The following PHLDB2 variants were observed in gnomAD, a reference collection of about 807,000 sequenced individuals.
The protein encoded by PHLDB2 is pleckstrin homology-like domain family B member 2.
A neutral mutation model predicts 123.6 loss-of-function variants in PHLDB2; 71 were observed. That is an observed-to-expected ratio of 0.57 (90% CI 0.47 to 0.70). The LOEUF (loss-of-function observed/expected upper bound fraction) is 0.70. Ranked by LOEUF, PHLDB2 falls within the 30% of genes least tolerant of loss-of-function variation. The probability of loss-of-function intolerance (pLI) is 0.00; values close to 1 mark genes in which losing one functional copy is unlikely to be tolerated. For missense variants in PHLDB2, 1,446 were observed against 1,519.5 expected (o/e 0.95, Z 0.80); for synonymous variants, 547 against 541.6 (o/e 1.01, Z -0.14).
intron 2 of PHLDB2, among the ~76,000 whole-genome samples, chr3:111,892,421 T>C (rs994998687): frequency 1.3e-5 from 2 of 152,176 alleles, no homozygotes; most frequent in Admixed American, 6.5e-5. Context: ...GACTAGAGTA[T>C]AGGAAGCATT....
chr3:111,958,144 GTGT>G (rs1374176239), intron 12 of PHLDB2: 3 of 312,010 alleles, frequency 9.6e-6, no homozygotes, highest in African/African-American at 2.3e-5. Context: ...CATGTTGGAA[GTGT>G]TGTATGTTTT....
intron 1 of PHLDB2, among the ~76,000 whole-genome samples, chr3:111,792,436 T>A (rs1017737556): frequency 1.3e-5 from 2 of 152,184 alleles, no homozygotes; most frequent in Admixed American, 1.3e-4. Flanking sequence ...CCAGGCATGG[T>A]GGCTCATGTC....
intron 1 of PHLDB2, among the ~76,000 whole-genome samples, chr3:111,800,090 A>G (rs2061323742): frequency 6.6e-6 from 1 of 152,094 alleles, no homozygotes; most frequent in Non-Finnish European, 1.5e-5. Context: ...CTGCAGACTC[A>G]ACCTCCCTGG....
chr3:111,910,783 T>A (rs1418974254), intron 2 of PHLDB2, among the ~76,000 whole-genome samples: 1 of 152,244 alleles, frequency 6.6e-6, no homozygotes, highest in Non-Finnish European at 1.5e-5. Context: ...CCTGTAGTGC[T>A]TTCTGAAATG....
chr3:111,783,453 G>GA (rs1373349955), intron 1 of PHLDB2, among the ~76,000 whole-genome samples: 3 of 151,776 alleles, frequency 2.0e-5, no homozygotes, highest in South Asian at 2.1e-4. Context: ...TAAAATAATT[G>GA]AAAAAACACT....
At chr3:111,776,073 G>A (rs758572518) in intron 1 of PHLDB2, among the ~76,000 whole-genome samples, 2 of 152,134 alleles carry the variant, frequency 1.3e-5, no homozygotes, top group African/African-American at 2.4e-5. Flanking sequence ...CTTCTGGGCT[G>A]ATGCTTATGA....
At chr3:111,803,611 A>G (rs944184930) in intron 1 of PHLDB2, among the ~76,000 whole-genome samples, 17 of 152,188 alleles carry the variant, frequency 1.1e-4, no homozygotes, top group African/African-American at 3.9e-4. Flanking sequence ...CCTGGCTAGC[A>G]CATGAGTGGG....
chr3:111,810,803 A>T (rs1576689266), intron 1 of PHLDB2, among the ~76,000 whole-genome samples: 2 of 152,338 alleles, frequency 1.3e-5, no homozygotes, highest in East Asian at 3.9e-4. Context: ...CTTATTTTTG[A>T]CAACGGAATC....
At chr3:111,928,311 T>C (rs1259724299) in intron 5 of PHLDB2, among the ~76,000 whole-genome samples, 3 of 152,254 alleles carry the variant, frequency 2.0e-5, no homozygotes, top group Non-Finnish European at 4.4e-5. Flanking sequence ...ATTAATGTTC[T>C]ATATATTCAT....
chr3:111,798,523 A>G (rs1223229354), intron 1 of PHLDB2, among the ~76,000 whole-genome samples: 1 of 151,974 alleles, frequency 6.6e-6, no homozygotes, highest in African/African-American at 2.4e-5. Flanking sequence ...TTTATTTAAA[A>G]TATTTTCAGT....
chr3:111,910,574 T>C (rs1045683514), intron 2 of PHLDB2, among the ~76,000 whole-genome samples: 1 of 152,206 alleles, frequency 6.6e-6, no homozygotes, highest in African/African-American at 2.4e-5. Flanking sequence ...GCATTTGAGG[T>C]TCCAGCATAA....
intron 1 of PHLDB2, among the ~76,000 whole-genome samples, chr3:111,779,414 A>C (rs1022945159): frequency 6.6e-6 from 1 of 151,970 alleles, no homozygotes; most frequent in Middle Eastern, 3.4e-3. Flanking sequence ...TCCTCCCTCT[A>C]GTAGTCCCCA....
At chr3:111,865,645 A>G (rs2065032412) in intron 1 of PHLDB2, among the ~76,000 whole-genome samples, 2 of 152,240 alleles carry the variant, frequency 1.3e-5, no homozygotes, top group East Asian at 1.9e-4. Context: ...CAGAACCAGA[A>G]CTAAGATGGA....
intron 8 of PHLDB2, 137 bp from the exon 9 acceptor site, chr3:111,945,131 G>A (rs1260721036): frequency 1.5e-6 from 1 of 649,064 alleles, no homozygotes; most frequent in African/African-American, 1.8e-5. Flanking sequence ...TTGAAATTTT[G>A]ACTGAGTATG....
At chr3:111,821,930 T>A (rs1431767729) in intron 1 of PHLDB2, among the ~76,000 whole-genome samples, 2 of 152,204 alleles carry the variant, frequency 1.3e-5, no homozygotes, top group Non-Finnish European at 2.9e-5. Context: ...GGTCTGAAAC[T>A]TCAGGCTTTA....
intron 1 of PHLDB2, among the ~76,000 whole-genome samples, chr3:111,763,848 T>G (rs1017006295): frequency 2.0e-4 from 31 of 152,166 alleles, no homozygotes; most frequent in African/African-American, 7.2e-4. Context: ...CTGAATCTGT[T>G]GGTGCCTTGA....
intron 1 of PHLDB2, among the ~76,000 whole-genome samples, chr3:111,737,983 C>T (rs2059538816): frequency 6.6e-6 from 1 of 152,072 alleles, no homozygotes; most frequent in South Asian, 2.1e-4. Flanking sequence ...AGAGGTCGGC[C>T]AGAAGATGTT....
chr3:111,891,082 T>C (rs2107369887), intron 2 of PHLDB2, among the ~76,000 whole-genome samples: 1 of 152,266 alleles, frequency 6.6e-6, no homozygotes, highest in East Asian at 1.9e-4. Context: ...TTGGTGGTCA[T>C]TTTAACTTCC....
At chr3:111,745,568 TG>T (rs1421976122) in intron 1 of PHLDB2, among the ~76,000 whole-genome samples, 2 of 152,066 alleles carry the variant, frequency 1.3e-5, no homozygotes, top group Non-Finnish European at 2.9e-5. Flanking sequence ...GAGACCAGCC[TG>T]GGAAAACAGG....
Sources: allele counts gnomAD v4.1 joint callset (sites outside exome capture counted in the v4.1 genomes callset), GRCh38; gene constraint gnomAD v4.1.1; transcripts MANE v1.5; gene names NCBI Gene and HGNC (gene_info 2026-07-23, HGNC 2026-07-21).